The following LRRC31 variants were observed in gnomAD, a reference collection of about 807,000 sequenced individuals.
LRRC31 encodes leucine rich repeat containing 31.
Under a neutral mutation model 46.7 loss-of-function variants are expected in LRRC31, and 35 were observed. The ratio of observed to expected loss-of-function variants is 0.75; its 90% CI spans 0.57 to 0.99. The LOEUF (loss-of-function observed/expected upper bound fraction) is 0.99. Among genes scored for constraint, LRRC31 ranks in the 50% least tolerant of loss-of-function variants. The pLI is 0.00. For missense variants in LRRC31, 613 were observed against 626.1 expected (o/e 0.98, Z 0.22); for synonymous variants, 236 against 235.1 (o/e 1.00, Z -0.03).
At chr3:169,869,055 A>G (rs1781414492) in intron 1 of LRRC31, among the ~76,000 whole-genome samples, 1 of 151,762 alleles carries the variant, frequency 6.6e-6, no homozygotes. Flanking sequence ...TAAATGTGCA[A>G]TAATTTATTG....
chr3:169,857,318 C>CTATA (rs34162537), intron 3 of LRRC31, among the ~76,000 whole-genome samples: 1,053 of 66,296 alleles, frequency 0.016, 20 homozygotes, highest in African/African-American at 0.03. Flanking sequence ...TATCACATGC[C>CTATA]TATATATATA....
chr3:169,853,633 A>C, intron 6 of LRRC31: 2 of 985,888 alleles, frequency 2.0e-6, no homozygotes, highest in Non-Finnish European at 2.4e-6. Flanking sequence ...AGGAACCCAT[A>C]ATGCTCCACG....
chr3:169,856,484 C>T lies in LRRC31; in HGVS notation c.675G>A (p.Leu225=). The part of the protein sequence containing the change: ...GTFLGQLLPM[L]QSLEVLDLSI... ...AAAGATCAAGTACTTCGAGACTTTG[C>T]AGCATAGGTAGCAGTTGACCTAGAA... Residue 225 remains leucine (L), a synonymous_variant, in exon 5 of 9, where the codon CTG becomes CTA. Coordinates refer to ENST00000316428, the MANE Select transcript of LRRC31 (RefSeq NM_024727.4). 1 of 1,598,572 alleles carries T rather than the reference C, an allele frequency of 6.3e-7. No individual in the cohort carries two copies. Among genetic ancestry groups the T allele is most frequent in the Non-Finnish European group, 8.5e-7 (1 of 1,173,374 alleles).
At chr3:169,864,043 T>C (rs1284969657) in intron 1 of LRRC31, among the ~76,000 whole-genome samples, 1 of 152,040 alleles carries the variant, frequency 6.6e-6, no homozygotes, top group Non-Finnish European at 1.5e-5. Flanking sequence ...TTTTGTATTT[T>C]AAAAAATTTC....
At chr3:169,869,540 G>A in intron 1 of LRRC31, 93 bp downstream of exon 1, 2 of 1,138,162 alleles carry the variant, frequency 1.8e-6, no homozygotes, top group Non-Finnish European at 2.4e-6. Context: ...CACCTACTAT[G>A]TACCCACAAA....
intron 4 of LRRC31, 87 bp from the exon 5 acceptor site, chr3:169,856,590 C>T: frequency 1.5e-6 from 2 of 1,339,940 alleles, no homozygotes; most frequent in Non-Finnish European, 2.0e-6. Context: ...CGTAAAACTC[C>T]ACTCCCCTCC....
rs773310404 is a variant in LRRC31, at chr3:169,848,179, G to C, written c.1268C>G (p.Ser423Cys). ...GCTGCTCAGCCTCAGCACTTGAAGA[G>C]ACATGGAAAGCTTTAGTGTTTCCAG... ...LLLETLKLSM[S>C]LQVLRLSSCS... The change falls in exon 8 of 9, where the codon TCT (serine) becomes TGT (cysteine). Residue 423 changes from serine (S) to cysteine (C), a missense_variant. Physicochemically the swap from Ser to Cys is moderately radical, Grantham distance 112. Coordinates refer to ENST00000316428, the MANE Select transcript of LRRC31 (RefSeq NM_024727.4). 3 of 1,614,208 alleles carry C rather than the reference G, an allele frequency of 1.9e-6. No individual in the cohort carries two copies. In the South Asian group the frequency reaches 3.3e-5, roughly 18 times the overall value.
At chr3:169,856,542 A>C (rs1780948492) in intron 4 of LRRC31, 39 bp from the exon 5 acceptor site, 2 of 1,534,192 alleles carry the variant, frequency 1.3e-6, no homozygotes, top group East Asian at 2.4e-5. Flanking sequence ...GGTAGGTAGG[A>C]GGGGAGTGGA....
Position 169,860,673 on chromosome 3 carries a change from A to C in LRRC31, c.375T>G (p.Gly125=), listed in dbSNP as rs1781126460. 1 of 1,614,122 alleles carries C rather than the reference A, an allele frequency of 6.2e-7. No homozygotes were observed. The highest frequency in any genetic ancestry group is 1.7e-5 in the Admixed American group (1 of 60,008). The change falls in exon 3 of 9, where the codon GGT becomes GGG. Residue 125 remains glycine, a synonymous_variant. Coordinates refer to ENST00000316428, the MANE Select transcript of LRRC31 (RefSeq NM_024727.4). ...DLEELDISWN[G]FVGGTLLSIT... ...TGGAAAGGAGGGTTCCACCTACAAA[A>C]CCATTCCAGGAGATATCCAGTTCTT...
At chr3:169,855,496 C>A (rs1780914706) in intron 5 of LRRC31, among the ~76,000 whole-genome samples, 1 of 152,198 alleles carries the variant, frequency 6.6e-6, no homozygotes. Flanking sequence ...CTTGAGCATC[C>A]TCTCCTATTA....
intron 3 of LRRC31, among the ~76,000 whole-genome samples, chr3:169,860,137 C>T (rs1324986104): frequency 6.6e-6 from 1 of 151,714 alleles, no homozygotes; most frequent in Non-Finnish European, 1.5e-5. Context: ...GAGTGAGCCT[C>T]CATCTCAAAA....
chr3:169,844,981 A>G (rs1349638715), intron 8 of LRRC31, among the ~76,000 whole-genome samples: 1 of 152,058 alleles, frequency 6.6e-6, no homozygotes, highest in Non-Finnish European at 1.5e-5. Context: ...CATAGATGAT[A>G]TGATTATCTA....
intron 7 of LRRC31, among the ~76,000 whole-genome samples, chr3:169,850,911 C>T (rs1384147758): frequency 6.6e-6 from 1 of 152,102 alleles, no homozygotes; most frequent in African/African-American, 2.4e-5. Context: ...AGTTTGTGCA[C>T]ACAGTGCTGG....
rs779219754 is a variant in LRRC31, at chr3:169,839,966, G to A, written c.*16C>T. ...TGGAGAATGGTTTGTAGCTTAGTAG[G>A]ACATGGGAAATCAGTTTACTGAAAC... On this transcript the variant is annotated 3_prime_UTR_variant, in exon 9 of 9. Transcript: ENST00000316428. The A allele has an allele frequency of 4.4e-6, 7 of 1,583,136 alleles. No homozygotes were observed. Among genetic ancestry groups the A allele is most frequent in the Middle Eastern group, 1.7e-4 (1 of 5,954 alleles).
intron 3 of LRRC31, among the ~76,000 whole-genome samples, chr3:169,859,235 C>T (rs1046321986): frequency 2.7e-5 from 4 of 146,692 alleles, no homozygotes; most frequent in Non-Finnish European, 4.4e-5. Context: ...GCAGAGGTTT[C>T]AGTGAGCCAA....
chr3:169,866,397 C>T (rs914678015), intron 1 of LRRC31, among the ~76,000 whole-genome samples: 2 of 152,160 alleles, frequency 1.3e-5, no homozygotes, highest in Admixed American at 6.5e-5. Context: ...TGTTGCACAG[C>T]AGGGATGACC....
At position 169,856,794 on chromosome 3, in the gene LRRC31, A is replaced by G; in HGVS notation, c.566T>C (p.Leu189Pro). Residue 189 changes from leucine (L) to proline (P), a missense_variant, in exon 4 of 9, where the codon CTG (leucine) becomes CCG (proline). Physicochemically the swap from Leu to Pro is moderately conservative, Grantham distance 98. Coordinates refer to ENST00000316428, the MANE Select transcript of LRRC31 (RefSeq NM_024727.4). ...WNSKVGGNLPLILQKFQKGSK... is the reference protein window; with the variant it reads ...WNSKVGGNLPPILQKFQKGSK... ...CCCTTTTTGGAACTTCTGAAGGATC[A>G]GAGGCAAATTTCCTCCCACTTTACT... 1.2e-6 allele frequency: 2 copies of G among 1,609,062 alleles called. No homozygotes were observed. Among genetic ancestry groups the G allele is most frequent in the South Asian group, 2.2e-5 (2 of 89,962 alleles).
chr3:169,867,273 A>G, intron 1 of LRRC31, among the ~76,000 whole-genome samples: 1 of 127,620 alleles, frequency 7.8e-6, no homozygotes, highest in Non-Finnish European at 1.6e-5. Context: ...TTTTTGAGAC[A>G]GAGTCTTGCT....
chr3:169,856,559 C>T (rs186886576), intron 4 of LRRC31, 56 bp from the exon 5 acceptor site: 1 of 1,443,930 alleles, frequency 6.9e-7, no homozygotes, highest in East Asian at 2.6e-5. Context: ...TGGAGTTTTA[C>T]ATCACCTGGG....
Sources: allele counts gnomAD v4.1 joint callset (sites outside exome capture counted in the v4.1 genomes callset), GRCh38; gene constraint gnomAD v4.1.1; transcripts MANE v1.5; gene names NCBI Gene and HGNC (gene_info 2026-07-23, HGNC 2026-07-21).